The following SDC2 variants were observed in gnomAD, a reference collection of about 807,000 sequenced individuals.
The protein encoded by SDC2 is syndecan 2, also known as syndecan-2.
A neutral mutation model predicts 22.2 loss-of-function variants in SDC2; 13 were observed. That is an observed-to-expected ratio of 0.59 (90% CI 0.38 to 0.93). SDC2 has a LOEUF of 0.93. SDC2 is among the 40% of genes least tolerant of loss of function. The probability of loss-of-function intolerance (pLI) is 0.00; values close to 1 mark genes in which losing one functional copy is unlikely to be tolerated. For missense variants in SDC2, 235 were observed against 246.8 expected, an observed-to-expected ratio of 0.95 and a Z score of 0.32; for synonymous variants, 94 against 92.8, an observed-to-expected ratio of 1.01 and a Z score of -0.07.
At chr8:96,570,000 A>G (rs1202125757) in intron 1 of SDC2, among the ~76,000 whole-genome samples, 1 of 152,262 alleles carries the variant, frequency 6.6e-6, no homozygotes, top group Non-Finnish European at 1.5e-5. Context: ...ATGGCAATGC[A>G]AAATATATTC....
chr8:96,560,641 G>A (rs1479964550), intron 1 of SDC2, among the ~76,000 whole-genome samples: 3 of 151,640 alleles, frequency 2.0e-5, no homozygotes, highest in Non-Finnish European at 2.9e-5. Context: ...TTTCCCTGGA[G>A]AACTTAATAT....
chr8:96,564,208 T>G (rs2575712), intron 1 of SDC2, among the ~76,000 whole-genome samples: 96,650 of 152,078 alleles, frequency 0.64, 34,160 homozygotes, highest in Non-Finnish European at 0.81. Flanking sequence ...TTCCTTTGTC[T>G]CATTCACAGT....
At chr8:96,495,841 G>A (rs1813066259) in intron 1 of SDC2, among the ~76,000 whole-genome samples, 1 of 152,286 alleles carries the variant, frequency 6.6e-6, no homozygotes, top group Non-Finnish European at 1.5e-5. Context: ...CAGACTACAT[G>A]AGTATTTTGG....
intron 1 of SDC2, among the ~76,000 whole-genome samples, chr8:96,553,529 T>C (rs1443275510): frequency 3.3e-5 from 5 of 151,738 alleles, no homozygotes; most frequent in African/African-American, 1.2e-4. Context: ...ATAAGGGTAA[T>C]GGGAAGTTGT....
intron 1 of SDC2, among the ~76,000 whole-genome samples, chr8:96,527,776 A>G (rs1405011876): frequency 2.0e-5 from 3 of 152,230 alleles, no homozygotes; most frequent in Non-Finnish European, 4.4e-5. Context: ...TTAAGTTACC[A>G]GAGAAAATTG....
intron 1 of SDC2, among the ~76,000 whole-genome samples, chr8:96,590,889 C>CG (rs1814769588): frequency 6.6e-6 from 1 of 152,124 alleles, no homozygotes; most frequent in Non-Finnish European, 1.5e-5. Flanking sequence ...AGAGACCACC[C>CG]GGGAGCCCTG....
chr8:96,516,121 A>C (rs567081404), intron 1 of SDC2, among the ~76,000 whole-genome samples: 2 of 152,206 alleles, frequency 1.3e-5, no homozygotes, highest in Non-Finnish European at 2.9e-5. Flanking sequence ...ATTTGAATGT[A>C]GCTGAAACAT....
chr8:96,611,598 A>G lies in SDC2; in HGVS notation c.*2050A>G, dbSNP rs1815176540. The G allele has an allele frequency of 6.6e-6, 1 of 152,642 alleles. No individual in the cohort carries two copies. The highest frequency in any genetic ancestry group is 2.1e-4 in the South Asian group (1 of 4,830). The allele number at this position is 152,642 out of a possible 1,614,324, so 9.5% of individuals were successfully genotyped here. On this transcript the variant is annotated 3_prime_UTR_variant, in exon 5 of 5. Transcript: ENST00000302190. Reference sequence around the variant, plus strand: ...GCTGTGTCCCTCAATTACAGAGGGTAGGAATGGGTATACCTCTAACTGTGC... The same window carrying G: ...GCTGTGTCCCTCAATTACAGAGGGTGGGAATGGGTATACCTCTAACTGTGC...
chr8:96,527,069 C>A (rs1469960128), intron 1 of SDC2, among the ~76,000 whole-genome samples: 1 of 152,144 alleles, frequency 6.6e-6, no homozygotes, highest in Non-Finnish European at 1.5e-5. Flanking sequence ...ATTGACCCAT[C>A]CAGGATTTAT....
In SDC2 at chr8:96,610,850, G is replaced by A. The variant is rs1815163417; in HGVS notation, c.*1302G>A. ...AGGAAATCTGAATGTATTATCCTGTGTGTGTCTAGGTAGAGATATTGGAAG... is the reference window on the plus strand; with the variant it reads ...AGGAAATCTGAATGTATTATCCTGTATGTGTCTAGGTAGAGATATTGGAAG... On this transcript the variant is annotated 3_prime_UTR_variant, in exon 5 of 5. Transcript: ENST00000302190. The A allele has an allele frequency of 6.6e-6, 1 of 152,664 alleles. No homozygotes were observed. The highest frequency in any genetic ancestry group is 1.5e-5 in the Non-Finnish European group (1 of 68,040). 9.5% of individuals were successfully genotyped at this position (152,664 alleles called of 1,614,324 possible).
chr8:96,583,685 A>ATGTG (rs3064977), intron 1 of SDC2, among the ~76,000 whole-genome samples: 3,583 of 142,492 alleles, frequency 0.025, 77 homozygotes, highest in African/African-American at 0.057. Flanking sequence ...TTTGAAATAT[A>ATGTG]TGTGTGTGTG....
chr8:96,585,942 A>T (rs1395426817), intron 1 of SDC2, among the ~76,000 whole-genome samples: 1 of 147,408 alleles, frequency 6.8e-6, no homozygotes, highest in Non-Finnish European at 1.5e-5. Context: ...AACAGATTTT[A>T]CTTGGAGCTT....
At chr8:96,570,341 A>G (rs1280003873) in intron 1 of SDC2, among the ~76,000 whole-genome samples, 1 of 152,188 alleles carries the variant, frequency 6.6e-6, no homozygotes, top group Admixed American at 6.5e-5. Context: ...AGATCCTTCC[A>G]TTTTCAAAAG....
chr8:96,528,650 T>C (rs1187602038), intron 1 of SDC2, among the ~76,000 whole-genome samples: 1 of 152,242 alleles, frequency 6.6e-6, no homozygotes, highest in Non-Finnish European at 1.5e-5. Flanking sequence ...AATGTTGTTT[T>C]TTAATCTTTG....
At chr8:96,594,229 A>G (rs746606269) in intron 2 of SDC2, among the ~76,000 whole-genome samples, 1 of 152,090 alleles carries the variant, frequency 6.6e-6, no homozygotes, top group Non-Finnish European at 1.5e-5. Context: ...CATTCATTTA[A>G]CTTATTATTC....
intron 1 of SDC2, among the ~76,000 whole-genome samples, chr8:96,562,131 A>G (rs1382002942): frequency 6.6e-6 from 1 of 152,132 alleles, no homozygotes; most frequent in Admixed American, 6.5e-5. Context: ...TTTGCCTGTT[A>G]CATGTAGGTC....
rs1815123464 is a variant in SDC2, at chr8:96,608,570, T to G, written c.442+100T>G. On this transcript the variant is annotated intron_variant, in intron 4 of 4. Coordinates refer to ENST00000302190, the MANE Select transcript of SDC2 (RefSeq NM_002998.4). The stretch of plus-strand genomic sequence containing the variant: ...GCAGCAAAGCTTGCTGTCATCTTTC[T>G]GCTGAAAGCAGTCTTGTGGGTGCTT... 12 of 1,098,222 alleles carry G rather than the reference T, an allele frequency of 1.1e-5. No individual in the cohort carries two copies. In the South Asian group the frequency reaches 2.1e-4, roughly 19 times the overall value. 68.0% of individuals were successfully genotyped at this position (1,098,222 alleles called of 1,614,324 possible).
chr8:96,549,881 G>A (rs1898257), intron 1 of SDC2, among the ~76,000 whole-genome samples: 131,521 of 152,138 alleles, frequency 0.86, 57,001 homozygotes, highest in Middle Eastern at 0.91. Context: ...CTTCTTTTTT[G>A]GCTAAGAGTA....
intron 1 of SDC2, among the ~76,000 whole-genome samples, chr8:96,573,627 A>C (rs1055910898): frequency 6.6e-6 from 1 of 151,960 alleles, no homozygotes; most frequent in Non-Finnish European, 1.5e-5. Flanking sequence ...TGTAGATTTT[A>C]CTTACTTTAA....
Sources: allele counts gnomAD v4.1 joint callset (sites outside exome capture counted in the v4.1 genomes callset), GRCh38; gene constraint gnomAD v4.1.1; transcripts MANE v1.5; gene names NCBI Gene and HGNC (gene_info 2026-07-23, HGNC 2026-07-21).